Variants in KALRN observed in about 807,000 individuals in gnomAD.
KALRN encodes the protein kalirin.
KALRN carries 70 observed loss-of-function variants against 353.7 expected under a neutral mutation model. The observed-to-expected ratio is 0.20, with a 90% confidence interval of 0.16 to 0.24. The LOEUF is 0.24. Among genes scored for constraint, KALRN ranks in the 10% least tolerant of loss-of-function variants. The probability of loss-of-function intolerance (pLI) is 1.00; values close to 1 mark genes in which losing one functional copy is unlikely to be tolerated. For synonymous variants in KALRN, 1,391 were observed against 1,434.8 expected, an observed-to-expected ratio of 0.97 and a Z score of 0.69; for missense variants, 2,791 against 3,756.7, an observed-to-expected ratio of 0.74 and a Z score of 6.72.
At chr3:124,375,624 A>C (rs1219787924) in intron 10 of KALRN, among the ~76,000 whole-genome samples, 1 of 152,206 alleles carries the variant, frequency 6.6e-6, no homozygotes, top group African/African-American at 2.4e-5. Flanking sequence ...TTATCTGTCA[A>C]ATTATACCTT....
intron 51 of KALRN, among the ~76,000 whole-genome samples, chr3:124,692,662 A>G (rs1457278627): frequency 1.3e-5 from 2 of 152,252 alleles, no homozygotes; most frequent in Non-Finnish European, 2.9e-5. Context: ...CTTTATTTAA[A>G]TAGGTATTGA....
rs573488623 is a variant in KALRN, at chr3:124,112,754, C to T, written c.73+78941C>T. Among the ~76,000 whole-genome samples, 3 of 152,186 alleles carry T rather than the reference C, an allele frequency of 2.0e-5. No individual in the cohort carries two copies. In the South Asian group the frequency reaches 6.2e-4, roughly 32 times the overall value. On this transcript the variant is annotated intron_variant, in intron 1 of 59. Coordinates refer to ENST00000682506, the MANE Select transcript of KALRN (RefSeq NM_001388419.1). Reference sequence around the variant, plus strand: ...TCTTGAAAGTCCCTCAAAGAAGATACCCAAAGGAAGTGTGCCAAGCAGGTT... The same window carrying T: ...TCTTGAAAGTCCCTCAAAGAAGATATCCAAAGGAAGTGTGCCAAGCAGGTT...
chr3:124,562,970 G>A lies in KALRN; in HGVS notation c.5063G>A (p.Cys1688Tyr). The change falls in exon 34 of 60, where the codon TGT becomes TAT. Residue 1688 changes from cysteine to tyrosine, a missense_variant. By Grantham distance (194) the Cys-to-Tyr change is radical (BLOSUM62 -2). Around this residue, in one of 11 missense-constraint regions of KALRN, gnomAD observed 239 missense variants for 351.3 expected, o/e 0.68. Coordinates refer to ENST00000682506, the MANE Select transcript of KALRN (RefSeq NM_001388419.1). ...LERPSERPGWCLVRTTERSPP... is the reference protein window; with the variant it reads ...LERPSERPGWYLVRTTERSPP... ...CGGCCCAGCGAGCGGCCTGGTTGGTGTCTGGTCCGTACCACCGAACGGAGC... is the reference window on the plus strand; with the variant it reads ...CGGCCCAGCGAGCGGCCTGGTTGGTATCTGGTCCGTACCACCGAACGGAGC... The A allele has an allele frequency of 7.3e-7, 1 of 1,367,918 alleles. No homozygotes were observed. Among genetic ancestry groups the A allele is most frequent in the Non-Finnish European group, 9.8e-7 (1 of 1,022,006 alleles). 84.7% of individuals were successfully genotyped at this position (1,367,918 alleles called of 1,614,324 possible). A position where few individuals can be genotyped will look rare whatever the true frequency, so the allele number is the denominator to read the frequency against.
intron 54 of KALRN, 25 bp downstream of exon 54, chr3:124,696,280 CT>C: frequency 1.2e-6 from 2 of 1,608,504 alleles, no homozygotes; most frequent in Non-Finnish European, 1.7e-6. Context: ...TTAGTCAAAC[CT>C]TTTGAAATAT....
chr3:124,551,781 T>G (rs1055535308), intron 33 of KALRN, among the ~76,000 whole-genome samples: 6 of 152,210 alleles, frequency 3.9e-5, no homozygotes, highest in African/African-American at 1.4e-4. Flanking sequence ...ACGTGATGTG[T>G]GTCTCCTTAG....
chr3:124,548,965 A>T (rs1425359736), intron 33 of KALRN, among the ~76,000 whole-genome samples: 1 of 152,206 alleles, frequency 6.6e-6, no homozygotes, highest in Non-Finnish European at 1.5e-5. Flanking sequence ...CATGCATGAT[A>T]ATCTTTAATT....
intron 6 of KALRN, among the ~76,000 whole-genome samples, chr3:124,308,322 A>G (rs533408614): frequency 2.0e-5 from 3 of 151,992 alleles, no homozygotes; most frequent in Non-Finnish European, 4.4e-5. Context: ...GCCAAATTGA[A>G]CCAACAGACA....
intron 1 of KALRN, among the ~76,000 whole-genome samples, chr3:124,049,911 T>C (rs2040866110): frequency 6.6e-6 from 1 of 152,206 alleles, no homozygotes; most frequent in Non-Finnish European, 1.5e-5. Flanking sequence ...ACCCCTGTTT[T>C]GCTAGTTTAT....
intron 1 of KALRN, among the ~76,000 whole-genome samples, chr3:124,103,577 T>C (rs2062041496): frequency 6.6e-6 from 1 of 152,140 alleles, no homozygotes; most frequent in Admixed American, 6.5e-5. Context: ...CTACTAAGGG[T>C]CCAGGTAGAG....
intron 33 of KALRN, among the ~76,000 whole-genome samples, chr3:124,503,175 A>C (rs2064803499): frequency 1.3e-5 from 2 of 152,186 alleles, no homozygotes. Flanking sequence ...GCCATTTAGT[A>C]AAAAACACTT....
chr3:124,422,283 A>G (rs1378486863), intron 14 of KALRN, among the ~76,000 whole-genome samples: 1 of 152,178 alleles, frequency 6.6e-6, no homozygotes, highest in East Asian at 1.9e-4. Flanking sequence ...CATGTGCGAC[A>G]CTTGCGGGGA....
At chr3:124,239,251 C>T (rs2080151466) in intron 3 of KALRN, among the ~76,000 whole-genome samples, 1 of 152,150 alleles carries the variant, frequency 6.6e-6, no homozygotes, top group South Asian at 2.1e-4. Flanking sequence ...AGGCCTAGCC[C>T]ACAGTGTGGA....
At chr3:124,558,338 C>G (rs925234199) in intron 33 of KALRN, among the ~76,000 whole-genome samples, 13 of 152,152 alleles carry the variant, frequency 8.5e-5, no homozygotes, top group African/African-American at 2.9e-4. Flanking sequence ...AGTGCAATGG[C>G]ATGATCTCGG....
At chr3:124,586,706 A>G (rs1163266564) in intron 34 of KALRN, among the ~76,000 whole-genome samples, 2 of 152,200 alleles carry the variant, frequency 1.3e-5, no homozygotes, top group Non-Finnish European at 2.9e-5. Context: ...GGTCCAAGCA[A>G]TGAGACCAGT....
At chr3:124,107,404 G>A (rs935042424) in intron 1 of KALRN, among the ~76,000 whole-genome samples, 9 of 151,994 alleles carry the variant, frequency 5.9e-5, no homozygotes, top group African/African-American at 2.2e-4. Flanking sequence ...ACATAATTAA[G>A]ACTACAATCT....
chr3:124,525,213 C>T (rs145858185), intron 33 of KALRN, among the ~76,000 whole-genome samples: 111 of 152,108 alleles, frequency 7.3e-4, no homozygotes, highest in Non-Finnish European at 1.1e-3. Flanking sequence ...TAATGGTAGC[C>T]GTAGTTAGAA....
In KALRN at chr3:124,398,832, C is replaced by G; in HGVS notation, c.2307C>G (p.Ile769Met). Reference protein sequence around the residue: ...LFHERKIKLDIFLQLRIFEQY... With the variant: ...LFHERKIKLDMFLQLRIFEQY... ...ACGAGCGGAAGATCAAGCTGGACAT[C>G]TTCCTGCAACTGCGCATCTTTGAGC... The change falls in exon 13 of 60, where the codon ATC (isoleucine) becomes ATG (methionine). Residue 769 changes from isoleucine to methionine, a missense_variant. Coordinates refer to ENST00000682506, the MANE Select transcript of KALRN (RefSeq NM_001388419.1). 2 of 1,613,916 alleles carry G rather than the reference C, an allele frequency of 1.2e-6. No individual in the cohort carries two copies. The highest frequency in any genetic ancestry group is 1.7e-6 in the Non-Finnish European group (2 of 1,179,908).
At chr3:124,167,173 C>T (rs913666744) in intron 1 of KALRN, among the ~76,000 whole-genome samples, 7 of 152,126 alleles carry the variant, frequency 4.6e-5, no homozygotes, top group African/African-American at 1.2e-4. Flanking sequence ...TCTGCCTGAG[C>T]GACTGGGCCC....
At chr3:124,391,899 C>T (rs1026959785) in intron 11 of KALRN, among the ~76,000 whole-genome samples, 12 of 152,282 alleles carry the variant, frequency 7.9e-5, no homozygotes, top group South Asian at 2.1e-4. Flanking sequence ...GTGGCAAAAA[C>T]GGAATAGAGA....
Sources: gnomAD v4.1 joint callset for allele counts (sites outside exome capture counted in the v4.1 genomes callset) on GRCh38, gnomAD v4.1.1 for gene constraint, gnomAD v4.1.1 regional missense constraint, MANE v1.5 for transcripts, NCBI Gene and HGNC (gene_info 2026-07-23, HGNC 2026-07-21) for gene names.